LRRC32: variants seen among roughly 807,000 people sequenced by gnomAD.
LRRC32 encodes transforming growth factor beta activator LRRC32.
LRRC32 carries 5 observed loss-of-function variants against 15.0 expected under a neutral mutation model. The ratio of observed to expected loss-of-function variants is 0.33; its 90% CI spans 0.17 to 0.70. The LOEUF (loss-of-function observed/expected upper bound fraction) is 0.70. Ranked by LOEUF, LRRC32 falls within the 30% of genes least tolerant of loss-of-function variation. The probability of loss-of-function intolerance (pLI) is 0.66; values close to 1 mark genes in which losing one functional copy is unlikely to be tolerated. For synonymous variants in LRRC32, 391 were observed against 403.9 expected, an observed-to-expected ratio of 0.97 and a Z score of 0.38; for missense variants, 803 against 854.2, an observed-to-expected ratio of 0.94 and a Z score of 0.75.
At position 76,658,429 on chromosome 11, in the gene LRRC32, AG is replaced by A. The variant is rs1952450294; in HGVS notation, c.*1174del. On this transcript the variant is annotated 3_prime_UTR_variant, in exon 3 of 3. Transcript: ENST00000260061. ...GAGCGCCTGCAGCTGCCTGCCTGGGAGAGAGGAGAGAGCAGGTGTGCACAGC... is the reference window on the plus strand; with the variant it reads ...GAGCGCCTGCAGCTGCCTGCCTGGGAAGAGGAGAGAGCAGGTGTGCACAGC... The A allele has an allele frequency of 6.6e-6, 1 of 152,658 alleles. No individual in the cohort carries two copies. The highest frequency in any genetic ancestry group is 6.5e-5 in the Admixed American group (1 of 15,296). The allele number at this position is 152,658 out of a possible 1,614,324, so 9.5% of individuals were successfully genotyped here. A position where few individuals can be genotyped will look rare whatever the true frequency, so the allele number is the denominator to read the frequency against.
chr11:76,661,355 G>A lies in LRRC32; in HGVS notation c.238C>T (p.Leu80=), dbSNP rs748487929. The A allele has an allele frequency of 3.7e-6, 6 of 1,614,196 alleles. No individual in the cohort carries two copies. The South Asian group carries it at 6.6e-5, about 18-fold the overall frequency. ...AGGAAGCTGATCTCATTGGTGCTCA[G>A]GTCCAGGTGACGAAGTGCTGTGTAG... ...GFYTALRHLD[L]STNEISFLQP... The change falls in exon 3 of 3, where the codon CTG becomes TTG. Residue 80 remains leucine, a synonymous_variant. Coordinates refer to ENST00000260061, the MANE Select transcript of LRRC32 (RefSeq NM_001128922.2).
Position 76,660,303 on chromosome 11 carries a change from C to A in LRRC32, c.1290G>T (p.Glu430Asp). 1 of 1,594,602 alleles carries A rather than the reference C, an allele frequency of 6.3e-7. No individual in the cohort carries two copies. The highest frequency in any genetic ancestry group is 1.1e-5 in the South Asian group (1 of 87,582). Reference sequence around the variant, plus strand: ...AGGCCACACAGCCGGAGGGGCCAGGCTCATCTGGCCCCCCACAGGGGCTGA... The same window carrying A: ...AGGCCACACAGCCGGAGGGGCCAGGATCATCTGGCCCCCCACAGGGGCTGA... ...NRVSPCGGPDEPGPSGCVAFS... is the reference protein window; with the variant it reads ...NRVSPCGGPDDPGPSGCVAFS... The change falls in exon 3 of 3, where the codon GAG becomes GAT. Residue 430 changes from glutamate (E) to aspartate (D), a missense_variant. Transcript: ENST00000260061.
At chr11:76,662,361 T>C (rs2120068939) in intron 2 of LRRC32, among the ~76,000 whole-genome samples, 1 of 152,272 alleles carries the variant, frequency 6.6e-6, no homozygotes, top group East Asian at 1.9e-4. Context: ...CACTCAGCAT[T>C]TGACATCTTG....
chr11:76,659,767 G>GACA lies in LRRC32; in HGVS notation c.1823_1825dup (p.Val608_Ser609insLeu). On this transcript the variant is annotated inframe_insertion, in exon 3 of 3. Coordinates refer to ENST00000260061, the MANE Select transcript of LRRC32 (RefSeq NM_001128922.2). ...GTCCTCGGGACGCACGTGGCTCAGG[G>GACA]ACACCTCCTCCTGGGAGCTGAAGCG... 1.9e-6 allele frequency: 3 copies of GACA among 1,614,242 alleles called. No individual in the cohort carries two copies. The highest frequency in any genetic ancestry group is 2.5e-6 in the Non-Finnish European group (3 of 1,180,044).
Position 76,661,225 on chromosome 11 carries a change from A to C in LRRC32, c.368T>G (p.Leu123Arg). Residue 123 changes from leucine (L) to arginine (R), a missense_variant, in exon 3 of 3, where the codon CTG (leucine) becomes CGG (arginine). By Grantham distance (102) the Leu-to-Arg change is moderately radical (BLOSUM62 -2). Coordinates refer to ENST00000260061, the MANE Select transcript of LRRC32 (RefSeq NM_001128922.2). The part of the protein sequence containing the change: ...TALSAGGLGP[L>R]PRVTSLDLSG... Reference sequence around the variant, plus strand: ...CAGGTCCAGGGAGGTCACGCGTGGCAGGGGGCCCAGGCCACCAGCACTCAG... The same window carrying C: ...CAGGTCCAGGGAGGTCACGCGTGGCCGGGGGCCCAGGCCACCAGCACTCAG... 6.2e-7 allele frequency: 1 copy of C among 1,613,816 alleles called. No homozygotes were observed. Among genetic ancestry groups the C allele is most frequent in the Non-Finnish European group, 8.5e-7 (1 of 1,179,884 alleles).
chr11:76,665,998 A>T, intron 1 of LRRC32, 40 bp from the exon 2 acceptor site: 1 of 1,585,032 alleles, frequency 6.3e-7, no homozygotes, highest in Non-Finnish European at 8.7e-7. Context: ...CTGTAAGCCC[A>T]CTGGCTCCTT....
At chr11:76,668,771 G>A (rs960944485) in intron 1 of LRRC32, among the ~76,000 whole-genome samples, 3 of 152,182 alleles carry the variant, frequency 2.0e-5, no homozygotes, top group African/African-American at 4.8e-5. Context: ...GCCAGGTGAG[G>A]ACAAGGAAGG....
rs1163226485 is a variant in LRRC32 at position 76,661,338 on chromosome 11, G to A, written c.255C>T (p.Ile85=). The A allele has an allele frequency of 6.2e-7, 1 of 1,614,198 alleles. No individual in the cohort carries two copies. Among genetic ancestry groups the A allele is most frequent in the East Asian group, 2.2e-5 (1 of 44,882 alleles). ...LRHLDLSTNE[I]SFLQPGAFQA... ...GGAAGGCTCCTGGCTGGAGGAAGCT[G>A]ATCTCATTGGTGCTCAGGTCCAGGT... Residue 85 remains isoleucine (I), a synonymous_variant, in exon 3 of 3, where the codon ATC becomes ATT. Transcript: ENST00000260061.
Position 76,659,500 on chromosome 11 carries a change from G to A in LRRC32, c.*104C>T. 7.9e-7 allele frequency: 1 copy of A among 1,260,492 alleles called. No individual in the cohort carries two copies. Among genetic ancestry groups the A allele is most frequent in the South Asian group, 1.5e-5 (1 of 67,914 alleles). 78.1% of individuals were successfully genotyped at this position (1,260,492 alleles called of 1,614,324 possible). The stretch of plus-strand genomic sequence containing the variant: ...AAGGTGTCCTGGGCTGTAATTTGGA[G>A]ACCAGAGTTCTGGGATCCCGGATCA... On this transcript the variant is annotated 3_prime_UTR_variant, in exon 3 of 3. Coordinates refer to ENST00000260061, the MANE Select transcript of LRRC32 (RefSeq NM_001128922.2).
At position 76,659,277 on chromosome 11, in the gene LRRC32, A is replaced by C; in HGVS notation, c.*327T>G. On this transcript the variant is annotated 3_prime_UTR_variant, in exon 3 of 3. Coordinates refer to ENST00000260061, the MANE Select transcript of LRRC32 (RefSeq NM_001128922.2). Reference sequence around the variant, plus strand: ...GACTGGGAGATTCTTGAGGGCGGGAATGTATCTCATTTCCCAGCATTCCCA... The same window carrying C: ...GACTGGGAGATTCTTGAGGGCGGGACTGTATCTCATTTCCCAGCATTCCCA... 8 of 279,812 alleles carry C rather than the reference A, an allele frequency of 2.9e-5. No homozygotes were observed. Among genetic ancestry groups the C allele is most frequent in the Admixed American group, 4.9e-5 (1 of 20,604 alleles). The allele number at this position is 279,812 out of a possible 1,614,324, so 17.3% of individuals were successfully genotyped here.
chr11:76,663,193 A>G (rs935696198), intron 2 of LRRC32: 2 of 152,236 alleles, frequency 1.3e-5, no homozygotes, highest in African/African-American at 4.8e-5. Flanking sequence ...TTTCCTAATG[A>G]ATGAGTCCCA....
rs1276795321 is a variant in LRRC32 at position 76,669,344 on chromosome 11, A to AAT, written c.-5+1268_-5+1269dup. On this transcript the variant is annotated intron_variant, in intron 1 of 2. Coordinates refer to ENST00000260061, the MANE Select transcript of LRRC32 (RefSeq NM_001128922.2). ...AGTCCAACTCAGAAAAGTGCCAAAG[A>AAT]ATGTGTGTGTGTGTGTGTGTGTGTG... 5.0e-5 allele frequency among the ~76,000 whole-genome samples: 5 copies of AAT among 99,414 alleles called. No individual in the cohort carries two copies. In the East Asian group the frequency reaches 1.7e-3, roughly 34 times the overall value. 65.2% of individuals were successfully genotyped at this position (99,414 alleles called of 152,430 possible).
chr11:76,670,275 C>T (rs144005106), intron 1 of LRRC32, among the ~76,000 whole-genome samples: 2 of 152,196 alleles, frequency 1.3e-5, no homozygotes, highest in East Asian at 3.9e-4. Context: ...TGGCTGGGAT[C>T]GGAGCGTTGC....
intron 2 of LRRC32, among the ~76,000 whole-genome samples, chr11:76,664,027 A>G (rs750760860): frequency 6.6e-6 from 1 of 152,166 alleles, no homozygotes; most frequent in Non-Finnish European, 1.5e-5. Context: ...CACAGCAAAG[A>G]GCATCATGGA....
Position 76,660,504 on chromosome 11 carries a change from G to A in LRRC32, c.1089C>T (p.Pro363=), listed in dbSNP as rs1438028286. 1.2e-6 allele frequency: 2 copies of A among 1,614,150 alleles called. No homozygotes were observed. Among genetic ancestry groups the A allele is most frequent in the Non-Finnish European group, 1.7e-6 (2 of 1,180,030 alleles). ...TFEARRLGSL[P]CLMLLDLSHN... ...GGCTTAAGTCAAGGAGCATCAGGCA[G>A]GGCAGGGAGCCTAAGCGCCGGGCCT... Residue 363 remains proline, a synonymous_variant, in exon 3 of 3, where the codon CCC becomes CCT. Coordinates refer to ENST00000260061, the MANE Select transcript of LRRC32 (RefSeq NM_001128922.2).
rs1215307756 is a variant in LRRC32, at chr11:76,660,503, A to C, written c.1090T>G (p.Cys364Gly). Residue 364 changes from cysteine to glycine, a missense_variant, in exon 3 of 3, where the codon TGC (cysteine) becomes GGC (glycine). Physicochemically the swap from Cys to Gly is radical, Grantham distance 159. Coordinates refer to ENST00000260061, the MANE Select transcript of LRRC32 (RefSeq NM_001128922.2). ...TGGCTTAAGTCAAGGAGCATCAGGC[A>C]GGGCAGGGAGCCTAAGCGCCGGGCC... ...FEARRLGSLP[C>G]LMLLDLSHNA... 1 of 1,614,158 alleles carries C rather than the reference A, an allele frequency of 6.2e-7. No individual in the cohort carries two copies. Among genetic ancestry groups the C allele is most frequent in the Non-Finnish European group, 8.5e-7 (1 of 1,180,010 alleles).
Position 76,661,405 on chromosome 11 carries a change from C to T in LRRC32, c.188G>A (p.Ser63Asn), listed in dbSNP as rs767055160. ...TLDLSGNQLRSILASPLGFYT... is the reference protein window; with the variant it reads ...TLDLSGNQLRNILASPLGFYT... ...GAAGCCCAGGGGTGAGGCCAGGATA[C>T]TCCGCAGCTGGTTCCCAGATAGATC... is the stretch of plus-strand genomic sequence containing the variant. The change falls in exon 3 of 3, where the codon AGT (serine) becomes AAT (asparagine). Residue 63 changes from serine (S) to asparagine (N), a missense_variant. Ser to Asn is a conservative substitution (Grantham distance 46, BLOSUM62 1). Coordinates refer to ENST00000260061, the MANE Select transcript of LRRC32 (RefSeq NM_001128922.2). 15 of 1,614,026 alleles carry T rather than the reference C, an allele frequency of 9.3e-6. No individual in the cohort carries two copies. The highest frequency in any genetic ancestry group is 1.2e-5 in the Non-Finnish European group (14 of 1,180,008).
intron 1 of LRRC32, among the ~76,000 whole-genome samples, chr11:76,667,119 A>G (rs1590772420): frequency 1.3e-5 from 2 of 152,242 alleles, no homozygotes; most frequent in Admixed American, 1.3e-4. Flanking sequence ...ACGAGATGCC[A>G]CCTACAGAGC....
In LRRC32 at chr11:76,660,161, C is replaced by T; in HGVS notation, c.1432G>A (p.Gly478Arg). 1.2e-6 allele frequency: 2 copies of T among 1,602,106 alleles called. No individual in the cohort carries two copies. Among genetic ancestry groups the T allele is most frequent in the East Asian group, 2.2e-5 (1 of 44,730 alleles). The change falls in exon 3 of 3, where the codon GGG (glycine) becomes AGG (arginine). Residue 478 changes from glycine to arginine, a missense_variant. Coordinates refer to ENST00000260061, the MANE Select transcript of LRRC32 (RefSeq NM_001128922.2). Reference sequence around the variant, plus strand: ...AAGGCCCCCGTGGCCACCTCCAGCCCAGGATTGGAAGAAAGGTCCAGCTCA... The same window carrying T: ...AAGGCCCCCGTGGCCACCTCCAGCCTAGGATTGGAAGAAAGGTCCAGCTCA... Reference protein sequence around the residue: ...LTELDLSSNPGLEVATGALGG... With the variant: ...LTELDLSSNPRLEVATGALGG...
Sources: allele counts gnomAD v4.1 joint callset (sites outside exome capture counted in the v4.1 genomes callset), GRCh38; gene constraint gnomAD v4.1.1; transcripts MANE v1.5; gene names NCBI Gene and HGNC (gene_info 2026-07-23, HGNC 2026-07-21).